Variants in PBRM1 observed in about 807,000 individuals in gnomAD.
PBRM1 encodes polybromo 1, also known as protein polybromo-1.
A neutral mutation model predicts 194.5 loss-of-function variants in PBRM1; 27 were observed. The observed-to-expected ratio is 0.14, with a 90% CI of 0.10 to 0.19. PBRM1 has a LOEUF of 0.19. Among genes scored for constraint, PBRM1 ranks in the 10% least tolerant of loss-of-function variants. The pLI, the probability that PBRM1 is intolerant of heterozygous loss-of-function variation, is 1.00. For missense variants in PBRM1, 1,466 were observed against 2,077.2 expected (o/e 0.71, Z 5.72); for synonymous variants, 655 against 693.2 (o/e 0.94, Z 0.87).
chr3:52,638,662 T>C (rs982365470), intron 10 of PBRM1, among the ~76,000 whole-genome samples: 5 of 151,920 alleles, frequency 3.3e-5, no homozygotes, highest in Non-Finnish European at 7.4e-5. Context: ...GGAATAATCA[T>C]AGCTTACGGC....
Position 52,550,658 on chromosome 3 carries a change from A to G in PBRM1, c.4681-21T>C, listed in dbSNP as rs770902389. 16 of 1,562,686 alleles carry G rather than the reference A, an allele frequency of 1.0e-5. No individual in the cohort carries two copies. In the East Asian group the frequency reaches 3.6e-4, roughly 36 times the overall value. On this transcript the variant is annotated intron_variant, in intron 28 of 29. Transcript: ENST00000296302. ...CCCACCTGAAAGAGCACAGGACCACATGGTGAGGCAAAAAGAGACTCTGCA... is the reference window on the plus strand; with the variant it reads ...CCCACCTGAAAGAGCACAGGACCACGTGGTGAGGCAAAAAGAGACTCTGCA...
At chr3:52,620,299 C>T (rs2095214706) in intron 13 of PBRM1, among the ~76,000 whole-genome samples, 1 of 152,158 alleles carries the variant, frequency 6.6e-6, no homozygotes, top group Admixed American at 6.6e-5. Context: ...TTGATTAGAT[C>T]TCGCATGTGG....
chr3:52,560,608 A>G (rs917447921), intron 25 of PBRM1: 3 of 152,208 alleles, frequency 2.0e-5, no homozygotes, highest in Non-Finnish European at 4.4e-5. Context: ...ACTCCCCTTG[A>G]TAAGGACAGA....
At chr3:52,684,309 C>T (rs927159911), upstream of PBRM1, among the ~76,000 whole-genome samples, 29 of 151,732 alleles carry the variant, frequency 1.9e-4, no homozygotes, top group African/African-American at 7.0e-4. Flanking sequence ...GTTCAAAAGT[C>T]TAACAATCAA....
intron 17 of PBRM1, among the ~76,000 whole-genome samples, chr3:52,591,511 GT>G (rs57736913): frequency 0.046 from 3,293 of 71,932 alleles, 7 homozygotes; most frequent in African/African-American, 0.052. Context: ...TTTTGTCTTT[GT>G]TTTTTTTTTT....
intron 13 of PBRM1, among the ~76,000 whole-genome samples, chr3:52,622,481 T>C (rs189994257): frequency 1.2e-4 from 18 of 152,358 alleles, no homozygotes; most frequent in Non-Finnish European, 2.2e-4. Flanking sequence ...AAAATAAGTA[T>C]ATTACAACAA....
At chr3:52,550,369 C>T in intron 29 of PBRM1, 52 bp downstream of exon 31, 2 of 936,230 alleles carry the variant, frequency 2.1e-6, no homozygotes, top group Non-Finnish European at 3.0e-6. Context: ...AGCAGTAAGA[C>T]AGCTTTGAGG....
At chr3:52,566,508 A>G (rs1200855453) in intron 22 of PBRM1, among the ~76,000 whole-genome samples, 2 of 152,230 alleles carry the variant, frequency 1.3e-5, no homozygotes, top group Admixed American at 1.3e-4. Context: ...ATATGATACA[A>G]CATGGATGAG....
At chr3:52,590,074 C>T (rs1375267900) in intron 17 of PBRM1, among the ~76,000 whole-genome samples, 1 of 152,074 alleles carries the variant, frequency 6.6e-6, no homozygotes, top group Admixed American at 6.5e-5. Context: ...ATCCGCCTGC[C>T]TCAGCCTCCC....
chr3:52,661,611 T>C (rs1212892673), intron 4 of PBRM1, among the ~76,000 whole-genome samples: 1 of 152,134 alleles, frequency 6.6e-6, no homozygotes, highest in Non-Finnish European at 1.5e-5. Flanking sequence ...GTAGACACCA[T>C]TTTAGATGGT....
chr3:52,625,375 T>C (rs531850070), intron 13 of PBRM1, among the ~76,000 whole-genome samples: 3 of 152,246 alleles, frequency 2.0e-5, no homozygotes, highest in Non-Finnish European at 4.4e-5. Flanking sequence ...AGTATAAGAC[T>C]TAATCCTTTC....
At chr3:52,674,782 T>C (rs2154028901) in intron 2 of PBRM1, among the ~76,000 whole-genome samples, 1 of 150,394 alleles carries the variant, frequency 6.6e-6, no homozygotes, top group South Asian at 2.1e-4. Context: ...AAAAAATACG[T>C]TATATATACA....
intron 15 of PBRM1, among the ~76,000 whole-genome samples, chr3:52,611,465 C>A (rs567599804): frequency 6.6e-6 from 1 of 152,242 alleles, no homozygotes; most frequent in Middle Eastern, 3.4e-3. Context: ...CTGGCTCCAA[C>A]TACCAATTTA....
upstream of PBRM1, chr3:52,681,717 G>A: frequency 9.8e-7 from 1 of 1,015,994 alleles, no homozygotes; most frequent in Non-Finnish European, 1.2e-6. Flanking sequence ...AGCACAACCA[G>A]CGCCTCGAAA....
chr3:52,564,084 C>G (rs758918362), exon 23 of PBRM1: 2 of 1,613,574 alleles, frequency 1.2e-6, no homozygotes, highest in Non-Finnish European at 1.7e-6. Context: ...ACCACTTTAG[C>G]AGAGAGTGAA....
intron 29 of PBRM1, 22 bp from the exon 32 acceptor site, chr3:52,548,257 GA>G: frequency 1.3e-6 from 2 of 1,535,442 alleles, no homozygotes; most frequent in Non-Finnish European, 1.7e-6. Flanking sequence ...AGTACAGAGA[GA>G]CAGAAATTAG....
Position 52,609,654 on chromosome 3 carries a change from C to T in PBRM1, c.2226G>A (p.Glu742=). The change falls in exon 16 of 30, where the codon GAG becomes GAA. Residue 742 remains glutamate (E), a synonymous_variant. Transcript: ENST00000296302. The surrounding 1 kb of genome is among the most constrained non-coding windows in gnomAD (Gnocchi z 4.1). ...CAAGAGCATCTTTGTAGATCAAAGA[C>T]TCCGGCTCATTGTATGTACAGGCAT... 6.2e-7 allele frequency: 1 copy of T among 1,612,846 alleles called. No individual in the cohort carries two copies. The highest frequency in any genetic ancestry group is 8.5e-7 in the Non-Finnish European group (1 of 1,178,906).
intron 20 of PBRM1, among the ~76,000 whole-genome samples, chr3:52,583,549 T>C (rs2091815729): frequency 6.6e-6 from 1 of 152,162 alleles, no homozygotes; most frequent in African/African-American, 2.4e-5. Context: ...CTAATACATG[T>C]TTTTTGCTGC....
chr3:52,620,068 T>C (rs1472451660), intron 13 of PBRM1, among the ~76,000 whole-genome samples: 2 of 152,206 alleles, frequency 1.3e-5, no homozygotes, highest in Non-Finnish European at 2.9e-5. Flanking sequence ...TTTTACCTAG[T>C]GGAAACTCCT....
Sources: gnomAD v4.1 joint callset for allele counts (sites outside exome capture counted in the v4.1 genomes callset) on GRCh38, gnomAD v4.1.1 for gene constraint, Gnocchi (gnomAD v3.1) non-coding constraint, MANE v1.5 for transcripts, NCBI Gene and HGNC (gene_info 2026-07-23, HGNC 2026-07-21) for gene names.